The following CYFIP2 variants were observed in gnomAD, a reference collection of about 807,000 sequenced individuals.
CYFIP2 encodes cytoplasmic FMR1 interacting protein 2, also known as cytoplasmic FMR1-interacting protein 2.
Under a neutral mutation model 158.7 loss-of-function variants are expected in CYFIP2, and 29 were observed. That is an observed-to-expected ratio of 0.18 (90% CI 0.14 to 0.25). CYFIP2 has a LOEUF of 0.25. Among genes scored for constraint, CYFIP2 ranks in the 10% least tolerant of loss-of-function variants. The pLI, the probability that CYFIP2 is intolerant of heterozygous loss-of-function variation, is 1.00. For synonymous variants in CYFIP2, 585 were observed against 617.6 expected (o/e 0.95, Z 0.78); for missense variants, 852 against 1,639.5 (o/e 0.52, Z 8.29).
chr5:157,320,308 A>G (rs552082767), intron 14 of CYFIP2, among the ~76,000 whole-genome samples: 1 of 152,312 alleles, frequency 6.6e-6, no homozygotes, highest in South Asian at 2.1e-4. Context: ...CTAAGCACAC[A>G]CAGATTTCAT....
At chr5:157,315,292 A>G (rs1760049684) in intron 13 of CYFIP2, among the ~76,000 whole-genome samples, 198 bp downstream of exon 13, 2 of 151,660 alleles carry the variant, frequency 1.3e-5, no homozygotes, top group South Asian at 2.1e-4. Context: ...TTAAAAATCC[A>G]AAGAAAAACA....
At chr5:157,389,683 G>A in intron 29 of CYFIP2, 1 of 373,736 alleles carries the variant, frequency 2.7e-6, no homozygotes, top group South Asian at 5.7e-5. Flanking sequence ...GGAGTCCTTA[G>A]AGCAGACAGC....
In CYFIP2 at chr5:157,288,689, G is replaced by A. The variant is rs182580601; in HGVS notation, c.207+1581G>A. 4.5e-4 allele frequency: 201 copies of A among 446,962 alleles called. 1 individual carries two copies. Among genetic ancestry groups the A allele is most frequent in the African/African-American group, 3.7e-3 (183 of 49,284 alleles). The allele number at this position is 446,962 out of a possible 1,614,324, so 27.7% of individuals were successfully genotyped here. On this transcript the variant is annotated intron_variant, in intron 3 of 30. Transcript: ENST00000620254. ...GTTCTATTATCATATCCATTTTGCC[G>A]ATGGGGAAAACTGGAGCCCAAAAAA...
intron 1 of CYFIP2, among the ~76,000 whole-genome samples, chr5:157,271,233 C>A (rs905722280): frequency 6.6e-6 from 1 of 152,144 alleles, no homozygotes; most frequent in Non-Finnish European, 1.5e-5. Flanking sequence ...TTATTATGCC[C>A]TGTATACCTT....
rs554081565 is a variant in CYFIP2 at position 157,292,065 on chromosome 5, A to G, written c.208-2718A>G. 2.6e-4 allele frequency among the ~76,000 whole-genome samples: 40 copies of G among 152,034 alleles called. 1 individual carries two copies. The highest frequency in any genetic ancestry group is 1.2e-3 in the South Asian group (6 of 4,816). On this transcript the variant is annotated intron_variant, in intron 3 of 30. Coordinates refer to ENST00000620254, the MANE Select transcript of CYFIP2 (RefSeq NM_001037333.3). ...AGTCAATCCCAATTCCTCTCACCCC[A>G]CCACCTCCTGGAAGTCACTAGTATA...
At chr5:157,327,936 C>A (rs1382422123) in intron 18 of CYFIP2, 37 bp from the exon 19 acceptor site, 3 of 1,598,416 alleles carry the variant, frequency 1.9e-6, no homozygotes, top group South Asian at 2.2e-5. Context: ...TAAAGCTGAA[C>A]GGGCACCAGT....
At chr5:157,384,530 G>A (rs1423163561) in intron 28 of CYFIP2, 1 of 455,808 alleles carries the variant, frequency 2.2e-6, no homozygotes, top group East Asian at 7.0e-5. Context: ...GGCAAAACAT[G>A]GTAAGTATTT....
intron 26 of CYFIP2, chr5:157,364,417 C>T (rs1411260469): frequency 6.6e-6 from 1 of 152,188 alleles, no homozygotes; most frequent in African/African-American, 2.4e-5. Flanking sequence ...ACAGGACACT[C>T]AATGACCTTC....
chr5:157,314,544 T>C, intron 12 of CYFIP2, 81 bp downstream of exon 12: 1 of 1,516,276 alleles, frequency 6.6e-7, no homozygotes, highest in East Asian at 2.3e-5. Context: ...GCACTCTCTT[T>C]TTAACAGATT....
intron 14 of CYFIP2, among the ~76,000 whole-genome samples, chr5:157,320,209 T>G (rs990085250): frequency 6.6e-6 from 1 of 152,206 alleles, no homozygotes; most frequent in Admixed American, 6.5e-5. Flanking sequence ...CTGCTGCCTG[T>G]TGGGATGATG....
At chr5:157,358,954 A>C in intron 23 of CYFIP2, 51 bp from the exon 24 acceptor site, 1 of 1,609,778 alleles carries the variant, frequency 6.2e-7, no homozygotes, top group Non-Finnish European at 8.5e-7. Context: ...GGACTCCACC[A>C]GTGTCCATTC....
intron 22 of CYFIP2, among the ~76,000 whole-genome samples, chr5:157,340,720 GAA>G: frequency 6.6e-6 from 1 of 152,290 alleles, no homozygotes; most frequent in East Asian, 1.9e-4. Flanking sequence ...GCTCTTTTGA[GAA>G]AGAGTTTGCT....
At chr5:157,297,770 A>C (rs1758373392) in intron 5 of CYFIP2, among the ~76,000 whole-genome samples, 1 of 152,240 alleles carries the variant, frequency 6.6e-6, no homozygotes, top group Non-Finnish European at 1.5e-5. Flanking sequence ...AAAAACATAA[A>C]GATTAAAAAT....
intron 28 of CYFIP2, among the ~76,000 whole-genome samples, chr5:157,385,884 G>C (rs1350244214): frequency 6.6e-6 from 1 of 151,660 alleles, no homozygotes; most frequent in Non-Finnish European, 1.5e-5. Flanking sequence ...ACATAAGAAG[G>C]GCAGAAAGAG....
At chr5:157,360,874 CTG>C (rs1377816850) in intron 25 of CYFIP2, among the ~76,000 whole-genome samples, 1 of 152,162 alleles carries the variant, frequency 6.6e-6, no homozygotes, top group African/African-American at 2.4e-5. Context: ...AAAATGGGGA[CTG>C]TGAATTGGCA....
At chr5:157,390,396 T>C in intron 29 of CYFIP2, 125 bp from the exon 30 acceptor site, 1 of 868,354 alleles carries the variant, frequency 1.2e-6, no homozygotes, top group Non-Finnish European at 1.7e-6. Flanking sequence ...TTTTATAGGT[T>C]AAGAGACTTG....
At chr5:157,320,538 A>G (rs1760509069) in intron 14 of CYFIP2, 117 bp from the exon 15 acceptor site, 1 of 1,335,050 alleles carries the variant, frequency 7.5e-7, no homozygotes, top group Non-Finnish European at 1.0e-6. Flanking sequence ...CTTTACAAGC[A>G]CCCCAAGAAT....
rs764849957 is a variant in CYFIP2, at chr5:157,300,908, C to T, written c.569+12C>T. 22 of 1,531,586 alleles carry T rather than the reference C, an allele frequency of 1.4e-5. No homozygotes were observed. Among genetic ancestry groups the T allele is most frequent in the Non-Finnish European group, 1.8e-6 (2 of 1,131,638 alleles). The allele number at this position is 1,531,586 out of a possible 1,614,324, so 94.9% of individuals were successfully genotyped here. A position where few individuals can be genotyped will look rare whatever the true frequency, so the allele number is the denominator to read the frequency against. ...TCTGCCTACAAGAGGTCAGGGCAAC[C>T]TCCCCCTCTCCCCTTTCCCCATCCA... On this transcript the variant is annotated intron_variant, in intron 6 of 30. Coordinates refer to ENST00000620254, the MANE Select transcript of CYFIP2 (RefSeq NM_001037333.3).
Position 157,359,107 on chromosome 5 carries a change from G to T in CYFIP2, c.2776G>T (p.Ala926Ser). Residue 926 changes from alanine (A) to serine (S), a missense_variant, in exon 24 of 31, where the codon GCT becomes TCT. This residue lies in a region of CYFIP2 where 191 missense variants were observed against 311.2 expected (regional missense o/e 0.61). Coordinates refer to ENST00000620254, the MANE Select transcript of CYFIP2 (RefSeq NM_001037333.3). ...ICRLLGYQGI[A>S]VVMEELLKIV... The stretch of plus-strand genomic sequence containing the variant: ...CAGACTCCTGGGTTATCAGGGCATC[G>T]CTGTGGTCATGGAGGAACTGCTAAA... 1 of 1,614,000 alleles carries T rather than the reference G, an allele frequency of 6.2e-7. No individual in the cohort carries two copies. Among genetic ancestry groups the T allele is most frequent in the Non-Finnish European group, 8.5e-7 (1 of 1,179,876 alleles).
Sources: gnomAD v4.1 joint callset for allele counts (sites outside exome capture counted in the v4.1 genomes callset) on GRCh38, gnomAD v4.1.1 for gene constraint, gnomAD v4.1.1 regional missense constraint, MANE v1.5 for transcripts, NCBI Gene and HGNC (gene_info 2026-07-23, HGNC 2026-07-21) for gene names.